Variants in FAM240A observed in about 807,000 individuals in gnomAD.
FAM240A encodes protein FAM240A.
A neutral mutation model predicts 7.3 loss-of-function variants in FAM240A; 8 were observed. The observed-to-expected ratio is 1.09, with a 90% CI of 0.64 to 1.97. The LOEUF (loss-of-function observed/expected upper bound fraction) is 1.97, where lower values mean the gene tolerates loss of function less well. Among genes scored for constraint, FAM240A ranks in the 30% most tolerant of loss-of-function variants. FAM240A has a pLI of 0.00. For missense variants in FAM240A, 90 were observed against 102.2 expected, an observed-to-expected ratio of 0.88 and a Z score of 0.52; for synonymous variants, 32 against 35.9, an observed-to-expected ratio of 0.89 and a Z score of 0.38.
At chr3:46,624,964 TA>T (rs1278675751) in intron 2 of FAM240A, among the ~76,000 whole-genome samples, 163 bp from the exon 3 acceptor site, 3 of 19,404 alleles carry the variant, frequency 1.5e-4, no homozygotes, top group African/African-American at 2.3e-4. Flanking sequence ...ATGAATAAAT[TA>T]TATATATATA....
At chr3:46,619,704 C>T (rs879749148) in intron 2 of FAM240A, among the ~76,000 whole-genome samples, 3 of 152,184 alleles carry the variant, frequency 2.0e-5, no homozygotes, top group Non-Finnish European at 4.4e-5. Flanking sequence ...GGTTGGCAGC[C>T]CGCACTCTGA....
chr3:46,622,308 G>C (rs532299722), intron 2 of FAM240A, among the ~76,000 whole-genome samples: 1 of 151,574 alleles, frequency 6.6e-6, no homozygotes, highest in African/African-American at 2.4e-5. Flanking sequence ...GGGTTTCACC[G>C]TGTTAGCCAG....
At chr3:46,621,007 T>C (rs1354244917) in intron 2 of FAM240A, among the ~76,000 whole-genome samples, 1 of 152,180 alleles carries the variant, frequency 6.6e-6, no homozygotes, top group Non-Finnish European at 1.5e-5. Context: ...CTGAGGAAGC[T>C]GGGGAGTGGC....
intron 1 of FAM240A, among the ~76,000 whole-genome samples, 190 bp downstream of exon 1, chr3:46,612,888 A>G (rs1354696429): frequency 6.6e-6 from 1 of 152,220 alleles, no homozygotes; most frequent in Non-Finnish European, 1.5e-5. Flanking sequence ...GAGCTTTCCA[A>G]CTATGGACAG....
chr3:46,624,963 T>TTATATATATATATATATATATA (rs10539495), intron 2 of FAM240A, among the ~76,000 whole-genome samples, 165 bp from the exon 3 acceptor site: 26 of 146,636 alleles, frequency 1.8e-4, no homozygotes, highest in African/African-American at 5.7e-4. Context: ...TATGAATAAA[T>TTATATATATATATATATATATA]TATATATATA....
intron 2 of FAM240A, among the ~76,000 whole-genome samples, chr3:46,624,487 G>A (rs946249019): frequency 6.6e-6 from 1 of 151,948 alleles, no homozygotes; most frequent in African/African-American, 2.4e-5. Context: ...GGCCAGGCTG[G>A]TCTCGAACTC....
At chr3:46,622,113 T>C (rs929664816) in intron 2 of FAM240A, among the ~76,000 whole-genome samples, 9 of 136,712 alleles carry the variant, frequency 6.6e-5, no homozygotes, top group Non-Finnish European at 1.4e-4. Flanking sequence ...TTTCTTTTTT[T>C]TTTTTTTTTT....
intron 2 of FAM240A, among the ~76,000 whole-genome samples, chr3:46,624,524 C>G (rs1428353414): frequency 6.6e-6 from 1 of 152,068 alleles, no homozygotes; most frequent in Non-Finnish European, 1.5e-5. Flanking sequence ...TCCACCTTGG[C>G]CTCCCAAAGT....
intron 1 of FAM240A, among the ~76,000 whole-genome samples, chr3:46,615,493 A>G (rs568075878): frequency 1.3e-5 from 2 of 152,182 alleles, no homozygotes; most frequent in African/African-American, 4.8e-5. Context: ...GGGCTCCTCC[A>G]GCAGCCCAGT....
intron 2 of FAM240A, among the ~76,000 whole-genome samples, chr3:46,623,132 C>T (rs561235711): frequency 6.6e-6 from 1 of 151,984 alleles, no homozygotes; most frequent in South Asian, 2.1e-4. Context: ...ATTATAATTG[C>T]TTTTTTTAAA....
chr3:46,613,516 T>TAAATAAATAAAC (rs1189345909), intron 1 of FAM240A, among the ~76,000 whole-genome samples: 10 of 151,206 alleles, frequency 6.6e-5, no homozygotes, highest in African/African-American at 2.4e-4. Flanking sequence ...AATAAATAAA[T>TAAATAAATAAAC]AAATAAATAA....
intron 2 of FAM240A, among the ~76,000 whole-genome samples, chr3:46,619,812 A>G (rs1697674982): frequency 6.6e-6 from 1 of 152,208 alleles, no homozygotes; most frequent in African/African-American, 2.4e-5. Context: ...AGAGCATTCT[A>G]GGCAGAAGAA....
Position 46,626,169 on chromosome 3 carries a change from C to A in FAM240A, c.*951C>A, listed in dbSNP as rs1431182610. ...AGGCCTTATATACTATACACAGAGG[C>A]ACTGTATGGCAGACGCACCTGACAG... On this transcript the variant is annotated 3_prime_UTR_variant, in exon 3 of 3. Coordinates refer to ENST00000640551, the MANE Select transcript of FAM240A (RefSeq NM_001195442.2). 1 of 4,738 alleles carries A rather than the reference C, an allele frequency of 2.1e-4. No homozygotes were observed. Among genetic ancestry groups the A allele is most frequent in the Non-Finnish European group, 8.9e-3 (1 of 112 alleles). The allele number at this position is 4,738 out of a possible 1,614,324, so 0.3% of individuals were successfully genotyped here.
chr3:46,617,042 A>G, intron 1 of FAM240A, 141 bp from the exon 2 acceptor site: 1 of 580,620 alleles, frequency 1.7e-6, no homozygotes, highest in Non-Finnish European at 2.9e-6. Context: ...ACTTTTAAAC[A>G]GTCAAATTGG....
chr3:46,620,287 C>T (rs2107145082), intron 2 of FAM240A, among the ~76,000 whole-genome samples: 1 of 149,616 alleles, frequency 6.7e-6, no homozygotes, highest in Non-Finnish European at 1.5e-5. Flanking sequence ...TCCTGGACTA[C>T]AGCTCCTGCT....
rs1242981715 is a variant in FAM240A at position 46,617,336 on chromosome 3, G to T, written c.161+8G>T. 6.6e-7 allele frequency: 1 copy of T among 1,510,842 alleles called. No homozygotes were observed. 93.6% of individuals were successfully genotyped at this position (1,510,842 alleles called of 1,614,324 possible). A position where few individuals can be genotyped will look rare whatever the true frequency, so the allele number is the denominator to read the frequency against. On this transcript the variant is annotated splice_region_variant and intron_variant, in intron 2 of 2. Transcript: ENST00000640551. ...AAGAAGCGCACTGAGAAAGTATGTG[G>T]CTTGTTTGTCTACTTTTTAGAATTA... is the stretch of plus-strand genomic sequence containing the variant.
At chr3:46,621,845 G>C (rs1697698531) in intron 2 of FAM240A, among the ~76,000 whole-genome samples, 1 of 151,192 alleles carries the variant, frequency 6.6e-6, no homozygotes, top group South Asian at 2.1e-4. Context: ...AAATTGGTGA[G>C]TTTAGTCCTT....
intron 2 of FAM240A, among the ~76,000 whole-genome samples, chr3:46,621,114 A>C (rs894084352): frequency 2.6e-5 from 4 of 152,160 alleles, no homozygotes; most frequent in African/African-American, 9.7e-5. Flanking sequence ...CTTGAAAAAA[A>C]AGAGTGCAAT....
chr3:46,616,690 T>TACACACAC (rs3087116), intron 1 of FAM240A, among the ~76,000 whole-genome samples: 114 of 143,634 alleles, frequency 7.9e-4, no homozygotes, highest in East Asian at 2.1e-3. Flanking sequence ...AGTATTCCAT[T>TACACACAC]ACACACACAC....
Sources: allele counts gnomAD v4.1 joint callset (sites outside exome capture counted in the v4.1 genomes callset), GRCh38; gene constraint gnomAD v4.1.1; transcripts MANE v1.5; gene names NCBI Gene and HGNC (gene_info 2026-07-23, HGNC 2026-07-21).